Variants in OIP5 observed in about 807,000 individuals in gnomAD.
OIP5 encodes the protein Opa interacting protein 5.
OIP5 carries 24 observed loss-of-function variants against 20.3 expected under a neutral mutation model. The observed-to-expected ratio is 1.18, with a 90% CI of 0.86 to 1.66. The LOEUF (loss-of-function observed/expected upper bound fraction) is 1.66. OIP5 is among the 40% of genes most tolerant of loss of function. OIP5 has a pLI of 0.00. For synonymous variants in OIP5, 143 were observed against 121.3 expected, an observed-to-expected ratio of 1.18 and a Z score of -1.17; for missense variants, 339 against 289.5, an observed-to-expected ratio of 1.17 and a Z score of -1.24.
At chr15:41,319,889 C>T in intron 2 of OIP5, 109 bp from the exon 3 acceptor site, 1 of 836,694 alleles carries the variant, frequency 1.2e-6, no homozygotes, top group Non-Finnish European at 1.8e-6. Context: ...GTGAAAATTA[C>T]ATTGTAATAG....
rs748919555 is a variant in OIP5 at position 41,331,992 on chromosome 15, A to C, written c.323-11T>G. 1.4e-5 allele frequency: 23 copies of C among 1,613,760 alleles called. No homozygotes were observed. The highest frequency in any genetic ancestry group is 1.9e-5 in the Non-Finnish European group (23 of 1,179,718). ...CGTTATTTGTAACTCCTAGGAAGAC[A>C]AACACGGGTCAGAACCCATACTCTG... On this transcript the variant is annotated splice_polypyrimidine_tract_variant and intron_variant, in intron 1 of 4. Coordinates refer to ENST00000220514, the MANE Select transcript of OIP5 (RefSeq NM_007280.2).
At position 41,332,311 on chromosome 15, in the gene OIP5, T is replaced by G; in HGVS notation, c.251A>C (p.His84Pro). The G allele has an allele frequency of 6.2e-7, 1 of 1,605,348 alleles. No individual in the cohort carries two copies. The highest frequency in any genetic ancestry group is 8.5e-7 in the Non-Finnish European group (1 of 1,176,092). Residue 84 changes from histidine to proline, a missense_variant, in exon 1 of 5, where the codon CAC (histidine) becomes CCC (proline). By Grantham distance (77) the His-to-Pro change is moderately conservative (BLOSUM62 -2). Coordinates refer to ENST00000220514, the MANE Select transcript of OIP5 (RefSeq NM_007280.2). ...RCAVFQCAQC[H>P]AVLADSVHLA... ...GTGCACCGAGTCGGCGAGCACTGCG[T>G]GACACTGTGCGCACTGGAACACAGC...
chr15:41,330,358 C>T (rs1452466449), intron 2 of OIP5, among the ~76,000 whole-genome samples: 4 of 151,268 alleles, frequency 2.6e-5, no homozygotes, highest in Non-Finnish European at 4.4e-5. Context: ...CATGGCCTCC[C>T]AAAAGTGCTG....
At chr15:41,325,920 G>A (rs1285787603) in intron 2 of OIP5, among the ~76,000 whole-genome samples, 1 of 151,986 alleles carries the variant, frequency 6.6e-6, no homozygotes, top group Admixed American at 6.6e-5. Flanking sequence ...CCAGCACTCT[G>A]GAAGGCCAAG....
intron 4 of OIP5, 74 bp from the exon 5 acceptor site, chr15:41,309,923 C>CT: frequency 9.8e-7 from 1 of 1,018,154 alleles, no homozygotes; most frequent in Non-Finnish European, 1.5e-6. Context: ...GGGTCTCACT[C>CT]TGTTGCCTGA....
At chr15:41,312,293 C>G (rs192017359) in intron 4 of OIP5, among the ~76,000 whole-genome samples, 144 of 151,806 alleles carry the variant, frequency 9.5e-4, no homozygotes, top group African/African-American at 3.4e-3. Context: ...TCCCAAGTAG[C>G]TGGGATTACA....
At chr15:41,310,773 G>A (rs576138364) in intron 4 of OIP5, among the ~76,000 whole-genome samples, 4 of 152,144 alleles carry the variant, frequency 2.6e-5, no homozygotes, top group Non-Finnish European at 5.9e-5. Context: ...TTTTCCAGTG[G>A]CAAGAATTTA....
chr15:41,331,937 T>C lies in OIP5; in HGVS notation c.367A>G (p.Ile123Val), dbSNP rs765266707. The C allele has an allele frequency of 6.2e-7, 1 of 1,614,044 alleles. No individual in the cohort carries two copies. Among genetic ancestry groups the C allele is most frequent in the Non-Finnish European group, 8.5e-7 (1 of 1,179,960 alleles). The change falls in exon 2 of 5, where the codon ATT (isoleucine) becomes GTT (valine). Residue 123 changes from isoleucine to valine, a missense_variant. Physicochemically the swap from Ile to Val is conservative, Grantham distance 29. Transcript: ENST00000220514. The part of the protein sequence containing the change: ...VVLEAPFLVG[I>V]EGSLKGSTYN... Reference sequence around the variant, plus strand: ...TACCTGCCTTTGAGTGAACCTTCAATGCCAACTAGGAAGGGCGCTTCCAAA... The same window carrying C: ...TACCTGCCTTTGAGTGAACCTTCAACGCCAACTAGGAAGGGCGCTTCCAAA...
intron 3 of OIP5, among the ~76,000 whole-genome samples, chr15:41,314,399 T>G (rs902793451): frequency 6.6e-6 from 1 of 151,398 alleles, no homozygotes; most frequent in Admixed American, 6.6e-5. Flanking sequence ...GAGCCCAGCC[T>G]TCCTCACTTC....
intron 2 of OIP5, among the ~76,000 whole-genome samples, chr15:41,325,147 G>A (rs2047853847): frequency 6.6e-6 from 1 of 151,916 alleles, no homozygotes; most frequent in African/African-American, 2.4e-5. Flanking sequence ...CGCAGTGGCT[G>A]TAATCCCAGC....
chr15:41,317,026 A>G (rs574265539), intron 3 of OIP5, among the ~76,000 whole-genome samples: 6 of 152,232 alleles, frequency 3.9e-5, no homozygotes, highest in Admixed American at 6.5e-5. Flanking sequence ...AGGATGTTTC[A>G]GTTTCTTGTA....
chr15:41,317,890 G>C (rs551710361), intron 3 of OIP5, among the ~76,000 whole-genome samples: 3 of 152,176 alleles, frequency 2.0e-5, no homozygotes, highest in South Asian at 2.1e-4. Context: ...ATGTTGCCTA[G>C]GCTGGTCTCA....
At chr15:41,318,529 C>G (rs1249989028) in intron 3 of OIP5, among the ~76,000 whole-genome samples, 1 of 152,152 alleles carries the variant, frequency 6.6e-6, no homozygotes, top group African/African-American at 2.4e-5. Context: ...CACCAAGATT[C>G]AAGTGATCCT....
At chr15:41,317,952 T>A (rs1418370961) in intron 3 of OIP5, among the ~76,000 whole-genome samples, 1 of 152,094 alleles carries the variant, frequency 6.6e-6, no homozygotes, top group Admixed American at 6.6e-5. Flanking sequence ...GTGCTGAGAT[T>A]ACAGGCATGA....
chr15:41,326,389 TC>T (rs1395236419), intron 2 of OIP5, among the ~76,000 whole-genome samples: 1 of 152,188 alleles, frequency 6.6e-6, no homozygotes, highest in East Asian at 1.9e-4. Flanking sequence ...ACACTTTGCC[TC>T]TGATCATGTG....
At chr15:41,327,616 C>T (rs751749886) in intron 2 of OIP5, among the ~76,000 whole-genome samples, 19 of 151,678 alleles carry the variant, frequency 1.3e-4, no homozygotes, top group Non-Finnish European at 2.4e-4. Context: ...GGTGAAACCC[C>T]GTCTCTACTA....
In OIP5 at chr15:41,332,357, A is replaced by C. The variant is rs1481314458; in HGVS notation, c.205T>G (p.Trp69Gly). The change falls in exon 1 of 5, where the codon TGG becomes GGG. Residue 69 changes from tryptophan (W) to glycine (G), a missense_variant. By Grantham distance (184) the Trp-to-Gly change is radical. Transcript: ENST00000220514. ...EPAAGPQLPS[W>G]LQPERCAVFQ... ...ACAGCGCACCTCTCAGGCTGCAGCC[A>C]AGACGGCAGCTGCGGGCCGGCGGCT... The C allele has an allele frequency of 6.2e-7, 1 of 1,612,724 alleles. No individual in the cohort carries two copies. Among genetic ancestry groups the C allele is most frequent in the South Asian group, 1.1e-5 (1 of 90,970 alleles).
At chr15:41,323,834 C>T (rs1455897680) in intron 2 of OIP5, among the ~76,000 whole-genome samples, 1 of 152,048 alleles carries the variant, frequency 6.6e-6, no homozygotes, top group Non-Finnish European at 1.5e-5. Flanking sequence ...TATCTTCTTC[C>T]AACAGAAGGC....
chr15:41,321,165 C>T (rs986631001), intron 2 of OIP5, among the ~76,000 whole-genome samples: 7 of 151,048 alleles, frequency 4.6e-5, no homozygotes, highest in African/African-American at 1.5e-4. Context: ...GGGGTCAGCC[C>T]CCCGCCCAGC....
Sources: gnomAD v4.1 joint callset for allele counts (sites outside exome capture counted in the v4.1 genomes callset) on GRCh38, gnomAD v4.1.1 for gene constraint, MANE v1.5 for transcripts, NCBI Gene and HGNC (gene_info 2026-07-23, HGNC 2026-07-21) for gene names.